TAPBP: variants seen among roughly 807,000 people sequenced by gnomAD.
The protein encoded by TAPBP is tapasin.
In TAPBP, 38 loss-of-function variants were observed where a neutral mutation model predicts 45.7. That is an observed-to-expected ratio of 0.83 (90% CI 0.64 to 1.09). TAPBP has a LOEUF of 1.09. TAPBP is among the 50% of genes least tolerant of loss of function. The probability of loss-of-function intolerance (pLI) is 0.00; values close to 1 mark genes in which losing one functional copy is unlikely to be tolerated. For missense variants in TAPBP, 513 were observed against 587.3 expected (o/e 0.87, Z 1.31); for synonymous variants, 226 against 254.8 (o/e 0.89, Z 1.08).
At chr6:33,303,696 G>T (rs1768736530) in intron 7 of TAPBP, 1 of 1,506,874 alleles carries the variant, frequency 6.6e-7, no homozygotes, top group Non-Finnish European at 8.9e-7. Context: ...ATTTACATAT[G>T]TGGCTTGCAT....
rs1365973241 is a variant in TAPBP at position 33,299,987 on chromosome 6, A to C, written c.*1773T>G. 5 of 153,858 alleles carry C rather than the reference A, an allele frequency of 3.2e-5. No homozygotes were observed. The highest frequency in any genetic ancestry group is 2.0e-4 in the Admixed American group (3 of 15,276). The allele number at this position is 153,858 out of a possible 1,614,324, so 9.5% of individuals were successfully genotyped here. ...CTTAAATACAACTGTGGTGAACCGCACAAGAGGGACGCGCGGCGGTCTGCG... is the reference window on the plus strand; with the variant it reads ...CTTAAATACAACTGTGGTGAACCGCCCAAGAGGGACGCGCGGCGGTCTGCG... On this transcript the variant is annotated 3_prime_UTR_variant, in exon 8 of 8. Coordinates refer to ENST00000434618, the MANE Select transcript of TAPBP (RefSeq NM_003190.5). This position sits in a 1 kb window ranked among gnomAD's most constrained non-coding sequence, Gnocchi z 5.0.
intron 7 of TAPBP, 30 bp downstream of exon 7, chr6:33,303,925 G>C (rs200105727): frequency 6.2e-7 from 1 of 1,614,024 alleles, no homozygotes; most frequent in Non-Finnish European, 8.5e-7. Flanking sequence ...AAGTGACAAG[G>C]GAAAGATACA....
intron 3 of TAPBP, among the ~76,000 whole-genome samples, chr6:33,309,183 T>C (rs1331199118): frequency 1.3e-5 from 2 of 150,788 alleles, no homozygotes; most frequent in African/African-American, 2.4e-5. Context: ...TCACCTGAGG[T>C]TGGGAGTTTG....
At chr6:33,304,681 A>T in intron 4 of TAPBP, 43 bp from the exon 5 acceptor site, 4 of 1,512,412 alleles carry the variant, frequency 2.6e-6, no homozygotes, top group Non-Finnish European at 3.5e-6. Context: ...ATCAGTCCAT[A>T]CTGTCCTCCC....
rs763682947 is a variant in TAPBP at position 33,304,559 on chromosome 6, A to G, written c.948T>C (p.Leu316=). The change falls in exon 5 of 8, where the codon CTT becomes CTC. Residue 316 remains leucine, a synonymous_variant. Transcript: ENST00000434618. The part of the protein sequence containing the change: ...PGEAPPELLC[L]VSHFYPSGGL... ...CCCCAGAAGGGTAGAAGTGGGACAC[A>G]AGGCAGAGCAATTCCGGGGGTGCCT... is the stretch of plus-strand genomic sequence containing the variant. 66 of 1,608,520 alleles carry G rather than the reference A, an allele frequency of 4.1e-5. No individual in the cohort carries two copies. Among genetic ancestry groups the G allele is most frequent in the Non-Finnish European group, 5.4e-5 (64 of 1,179,678 alleles).
At chr6:33,302,429 A>G (rs916691692) in intron 7 of TAPBP, among the ~76,000 whole-genome samples, 6 of 151,706 alleles carry the variant, frequency 4.0e-5, no homozygotes, top group African/African-American at 4.8e-5. Context: ...GGTTCAAGCA[A>G]TTCTCCTGCC....
At position 33,299,914 on chromosome 6, in the gene TAPBP, C is replaced by T. The variant is rs1562675827; in HGVS notation, c.*1846G>A. ...CAGGCCAGTCCCTGTCCTCGAGGAG[C>T]CCATGATCCGCGGGGAGACAGGCAT... is the stretch of plus-strand genomic sequence containing the variant. On this transcript the variant is annotated 3_prime_UTR_variant, in exon 8 of 8. Transcript: ENST00000434618. This position sits in a 1 kb window ranked among gnomAD's most constrained non-coding sequence, Gnocchi z 5.0. 1 of 153,078 alleles carries T rather than the reference C, an allele frequency of 6.5e-6. No individual in the cohort carries two copies. Among genetic ancestry groups the T allele is most frequent in the Non-Finnish European group, 1.5e-5 (1 of 68,100 alleles). 9.5% of individuals were successfully genotyped at this position (153,078 alleles called of 1,614,324 possible). A position where few individuals can be genotyped will look rare whatever the true frequency, so the allele number is the denominator to read the frequency against.
At chr6:33,308,498 T>C (rs1769125411) in intron 3 of TAPBP, among the ~76,000 whole-genome samples, 1 of 152,148 alleles carries the variant, frequency 6.6e-6, no homozygotes, top group African/African-American at 2.4e-5. Context: ...TCCTGCACCC[T>C]ACAAACCAGC....
rs763460497 is a variant in TAPBP, at chr6:33,313,866, TG to T, written c.38-3del. 3 of 1,613,460 alleles carry T rather than the reference TG, an allele frequency of 1.9e-6. No homozygotes were observed. In the East Asian group the frequency reaches 6.7e-5, roughly 36 times the overall value. On this transcript the variant is annotated splice_region_variant and splice_polypyrimidine_tract_variant and intron_variant, in intron 1 of 7. Coordinates refer to ENST00000434618, the MANE Select transcript of TAPBP (RefSeq NM_003190.5). This position sits in a 1 kb window ranked among gnomAD's most constrained non-coding sequence, Gnocchi z 7.2. Reference sequence around the variant, plus strand: ...CTGCTGAGACGGCGGTCGCCAGGCCTGGCGTATAGGGACGCGAGTGAGGAGC... The same window carrying T: ...CTGCTGAGACGGCGGTCGCCAGGCCTGCGTATAGGGACGCGAGTGAGGAGC...
At chr6:33,304,248 C>T in intron 5 of TAPBP, 31 bp from the exon 6 acceptor site, 1 of 1,609,594 alleles carries the variant, frequency 6.2e-7, no homozygotes, top group Non-Finnish European at 8.5e-7. Flanking sequence ...GAGTGAGCTC[C>T]TGTCTTCCTG....
At chr6:33,304,698 A>C (rs1768839552) in intron 4 of TAPBP, 60 bp from the exon 5 acceptor site, 20 of 1,488,714 alleles carry the variant, frequency 1.3e-5, no homozygotes, top group Non-Finnish European at 1.8e-5. Context: ...TCCCTAAGAG[A>C]CCCTCAGTTT....
In TAPBP at chr6:33,308,333, C is replaced by A. The variant is rs563558256; in HGVS notation, c.470-2946G>T. 3.4e-4 allele frequency among the ~76,000 whole-genome samples: 51 copies of A among 151,932 alleles called. 1 individual carries two copies. The South Asian group carries it at 8.7e-3, about 26-fold the overall frequency. On this transcript the variant is annotated intron_variant, in intron 3 of 7. Transcript: ENST00000434618. ...AGCATGGGTGACAAGAGTGAAACTC[C>A]GTCTCAAAAAATAAATATGTACATA...
chr6:33,301,795 G>A, intron 7 of TAPBP, 24 bp from the exon 8 acceptor site: 1 of 1,614,074 alleles, frequency 6.2e-7, no homozygotes. Flanking sequence ...AGGTGGTGAG[G>A]AATTCAGGAT....
chr6:33,304,405 G>C lies in TAPBP; in HGVS notation c.1102C>G (p.Pro368Ala), dbSNP rs774631452. The change falls in exon 5 of 8, where the codon CCG becomes GCG. Residue 368 changes from proline to alanine, a missense_variant. By Grantham distance (27) the Pro-to-Ala change is conservative. Coordinates refer to ENST00000434618, the MANE Select transcript of TAPBP (RefSeq NM_003190.5). ...TGCTGCTCAGTGGTGACTGGGGGCG[G>C]CTGCAAGTGCCCAGAGAGGCTGACA... is the stretch of plus-strand genomic sequence containing the variant. ...GSVSLSGHLQPPPVTTEQHGA... is the reference protein window; with the variant it reads ...GSVSLSGHLQAPPVTTEQHGA... The C allele has an allele frequency of 6.2e-6, 10 of 1,612,468 alleles. No homozygotes were observed. The highest frequency in any genetic ancestry group is 8.5e-6 in the Non-Finnish European group (10 of 1,179,118).
chr6:33,313,404 G>A lies in TAPBP; in HGVS notation c.282C>T (p.Ser94=). ...CAGAGGCGGGGAGAGGCACGAAGCG[G>A]CTCATCTCGCAGTGTGGTGCGGGGG... ...RGAPAPHCEM[S]RFVPLPASAK... Residue 94 remains serine, a synonymous_variant, in exon 3 of 8, where the codon AGC becomes AGT. Transcript: ENST00000434618. This position sits in a 1 kb window ranked among gnomAD's most constrained non-coding sequence, Gnocchi z 7.2. 2 of 1,610,168 alleles carry A rather than the reference G, an allele frequency of 1.2e-6. No homozygotes were observed. Among genetic ancestry groups the A allele is most frequent in the Non-Finnish European group, 1.7e-6 (2 of 1,178,064 alleles).
At position 33,313,530 on chromosome 6, in the gene TAPBP, T is replaced by G. The variant is rs1769529649; in HGVS notation, c.209-53A>C. 3 of 1,512,636 alleles carry G rather than the reference T, an allele frequency of 2.0e-6. No individual in the cohort carries two copies. The highest frequency in any genetic ancestry group is 1.8e-6 in the Non-Finnish European group (2 of 1,127,704). 93.7% of individuals were successfully genotyped at this position (1,512,636 alleles called of 1,614,324 possible). On this transcript the variant is annotated intron_variant, in intron 2 of 7. Coordinates refer to ENST00000434618, the MANE Select transcript of TAPBP (RefSeq NM_003190.5). The surrounding 1 kb of genome is among the most constrained non-coding windows in gnomAD (Gnocchi z 7.2). ...GTAGAGTCACCGCCGGGAAAGGGGC[T>G]GGAAGGGCAGCGTTCGGGGAACTTC...
Position 33,313,823 on chromosome 6 carries a change from A to G in TAPBP, c.79T>C (p.Cys27Arg). 6.2e-7 allele frequency: 1 copy of G among 1,613,432 alleles called. No individual in the cohort carries two copies. The highest frequency in any genetic ancestry group is 8.5e-7 in the Non-Finnish European group (1 of 1,179,916). ...CCGCTCGCATCCTCCACGAACCAAC[A>G]CTCGATCACCGCGGGTCCTGCTGAG... The part of the protein sequence containing the change: ...AVSAGPAVIE[C>R]WFVEDASGKG... Residue 27 changes from cysteine to arginine, a missense_variant, in exon 2 of 8, where the codon TGT (cysteine) becomes CGT (arginine). By Grantham distance (180) the Cys-to-Arg change is radical (BLOSUM62 -3). Transcript: ENST00000434618. This position sits in a 1 kb window ranked among gnomAD's most constrained non-coding sequence, Gnocchi z 7.2.
Position 33,301,337 on chromosome 6 carries a change from G to GCTGAGGTGGGCAGATCAC in TAPBP, c.*405_*422dup, listed in dbSNP as rs1276498406. 5.8e-6 allele frequency: 1 copy of GCTGAGGTGGGCAGATCAC among 173,210 alleles called. No homozygotes were observed. The highest frequency in any genetic ancestry group is 1.2e-5 in the Non-Finnish European group (1 of 80,580). The allele number at this position is 173,210 out of a possible 1,614,324, so 10.7% of individuals were successfully genotyped here. ...GCCTGTAATCCCAGCACTTTGGGAG[G>GCTGAGGTGGGCAGATCAC]CTGAGGTGGGCAGATCACCTGAGGT... On this transcript the variant is annotated 3_prime_UTR_variant, in exon 8 of 8. Coordinates refer to ENST00000434618, the MANE Select transcript of TAPBP (RefSeq NM_003190.5).
Position 33,305,484 on chromosome 6 carries a change from T to C in TAPBP, c.470-97A>G. The C allele has an allele frequency of 2.3e-6, 3 of 1,324,964 alleles. No individual in the cohort carries two copies. Among genetic ancestry groups the C allele is most frequent in the Non-Finnish European group, 3.0e-6 (3 of 989,726 alleles). 82.1% of individuals were successfully genotyped at this position (1,324,964 alleles called of 1,614,324 possible). Reference sequence around the variant, plus strand: ...ATGCAGTTATTGGGGAGGGCTAAACTGCAGTTTACCCACCCCTCAGAGGAC... The same window carrying C: ...ATGCAGTTATTGGGGAGGGCTAAACCGCAGTTTACCCACCCCTCAGAGGAC... On this transcript the variant is annotated intron_variant, in intron 3 of 7. Transcript: ENST00000434618. The surrounding 1 kb of genome is among the most constrained non-coding windows in gnomAD (Gnocchi z 4.4).
Sources: gnomAD v4.1 joint callset for allele counts (sites outside exome capture counted in the v4.1 genomes callset) on GRCh38, gnomAD v4.1.1 for gene constraint, Gnocchi (gnomAD v3.1) non-coding constraint, MANE v1.5 for transcripts, NCBI Gene and HGNC (gene_info 2026-07-23, HGNC 2026-07-21) for gene names.